Variants in MID1 observed in about 807,000 individuals in gnomAD.
The protein encoded by MID1 is E3 ubiquitin-protein ligase Midline-1.
Under a neutral mutation model 40.4 loss-of-function variants are expected in MID1, and 7 were observed. That is an observed-to-expected ratio of 0.17 (90% confidence interval 0.10 to 0.33). MID1 has a LOEUF of 0.33. Ranked by LOEUF, MID1 falls within the 10% of genes least tolerant of loss-of-function variation. MID1 has a pLI of 1.00. For synonymous variants in MID1, 229 were observed against 221.2 expected (o/e 1.04, Z -0.31); for missense variants, 367 against 558.5 (o/e 0.66, Z 3.46).
At chrX:10,760,376 T>C (rs2043668991) in intron 1 of MID1, among the ~76,000 whole-genome samples, 1 of 112,210 alleles carries the variant, frequency 8.9e-6, no homozygotes, top group African/African-American at 3.2e-5. Context: ...ATGCCAAAAC[T>C]GTAAAATGCC....
At chrX:10,455,733 T>TTAGGATGAGAATA (rs1928621641) in intron 8 of MID1, among the ~76,000 whole-genome samples, 2 of 111,964 alleles carry the variant, frequency 1.8e-5, no homozygotes, top group Non-Finnish European at 3.8e-5. Context: ...TCTTAGGAAT[T>TTAGGATGAGAATA]TAGGATGAGA....
At chrX:10,803,120 C>T (rs2044020569) in intron 1 of MID1, among the ~76,000 whole-genome samples, 1 of 110,762 alleles carries the variant, frequency 9.0e-6, no homozygotes, top group Admixed American at 9.6e-5. Flanking sequence ...CCCCAAATCT[C>T]AGTGTCACAC....
At position 10,533,368 on chromosome X, in the gene MID1, G is replaced by GA. The variant is rs1460776678; in HGVS notation, c.661-10182dup. On this transcript the variant is annotated intron_variant, in intron 2 of 9. Transcript: ENST00000317552. The stretch of plus-strand genomic sequence containing the variant: ...AGAAAGAAAGAAAGAAAGAAAGAAA[G>GA]AAAGAAAGAAAAAGAAAGAAAGAAA... Among the ~76,000 whole-genome samples the GA allele has an allele frequency of 4.5e-4, 24 of 53,891 alleles. No individual in the cohort carries two copies. In the South Asian group the frequency reaches 4.6e-3, roughly 10 times the overall value. 46.8% of individuals were successfully genotyped at this position (53,891 alleles called of 115,157 possible).
intron 1 of MID1, among the ~76,000 whole-genome samples, chrX:10,644,387 C>T (rs1936239331): frequency 9.1e-6 from 1 of 110,434 alleles, no homozygotes; most frequent in African/African-American, 3.3e-5. Context: ...TTCCTCTCAG[C>T]CATCTCCCTA....
chrX:10,746,852 AAAGTAGCTTAAAAGCTACTTTAAT>A (rs200918735), intron 1 of MID1, among the ~76,000 whole-genome samples: 6,960 of 109,208 alleles, frequency 0.064, 540 homozygotes, highest in African/African-American at 0.21. Flanking sequence ...TTACTATTAT[AAAGTAGCTTAAAAGCTACTTTAAT>A]AAGTAGCTTA....
intron 2 of MID1, among the ~76,000 whole-genome samples, chrX:10,553,908 CTCTT>C (rs1298568673): frequency 8.9e-6 from 1 of 111,829 alleles, no homozygotes; most frequent in African/African-American, 3.2e-5. Context: ...CAAACTCTCT[CTCTT>C]TCTTTCTCGC....
At chrX:10,678,039 C>T (rs1015369228) in intron 1 of MID1, among the ~76,000 whole-genome samples, 1 of 110,842 alleles carries the variant, frequency 9.0e-6, no homozygotes, top group African/African-American at 3.3e-5. Context: ...AACAAAAGCA[C>T]AGAACTCAAT....
intron 2 of MID1, among the ~76,000 whole-genome samples, chrX:10,535,075 G>C (rs915846168): frequency 8.0e-5 from 9 of 112,286 alleles, no homozygotes; most frequent in Non-Finnish European, 1.7e-4. Flanking sequence ...TGAAAGAAAT[G>C]TGGAAATCAT....
chrX:10,544,307 G>C (rs1261032741), intron 2 of MID1, among the ~76,000 whole-genome samples: 1 of 110,575 alleles, frequency 9.0e-6, no homozygotes, highest in South Asian at 3.9e-4. Flanking sequence ...CAAAGGGAAA[G>C]TTGGGATTTC....
At chrX:10,593,391 T>C (rs1935347934) in intron 1 of MID1, among the ~76,000 whole-genome samples, 1 of 111,709 alleles carries the variant, frequency 9.0e-6, no homozygotes, top group Non-Finnish European at 1.9e-5. Flanking sequence ...GTCCCAAATG[T>C]CCTCCTTCCA....
intron 1 of MID1, among the ~76,000 whole-genome samples, chrX:10,761,465 C>T (rs967284557): frequency 1.8e-5 from 2 of 112,280 alleles, no homozygotes; most frequent in African/African-American, 6.5e-5. Flanking sequence ...AGCCCTTTGC[C>T]ACAGTACACT....
At chrX:10,562,933 T>G (rs1934399794) in intron 2 of MID1, among the ~76,000 whole-genome samples, 1 of 107,157 alleles carries the variant, frequency 9.3e-6, no homozygotes, top group South Asian at 3.7e-4. Context: ...TGTGTGTGCA[T>G]CACACACCAT....
At chrX:10,801,932 C>T (rs1324961929) in intron 1 of MID1, among the ~76,000 whole-genome samples, 1 of 111,552 alleles carries the variant, frequency 9.0e-6, no homozygotes, top group African/African-American at 3.3e-5. Context: ...CTTGTAATCC[C>T]AGCACTTTGG....
chrX:10,730,536 C>T (rs780701082), intron 1 of MID1, among the ~76,000 whole-genome samples: 207 of 108,353 alleles, frequency 1.9e-3, no homozygotes, highest in South Asian at 6.5e-3. Context: ...CAAATCGTAC[C>T]GCAACTAACC....
intron 1 of MID1, among the ~76,000 whole-genome samples, chrX:10,806,335 C>T (rs1410486259): frequency 1.8e-5 from 2 of 111,881 alleles, no homozygotes; most frequent in Admixed American, 9.5e-5. Context: ...AGAAATTCAT[C>T]GAAGTTACTA....
chrX:10,572,167 CTATA>C (rs1286898637), intron 1 of MID1, among the ~76,000 whole-genome samples: 6 of 87,996 alleles, frequency 6.8e-5, no homozygotes, highest in African/African-American at 3.5e-4. Context: ...CTCTCTCTCT[CTATA>C]TATATATGTA....
intron 1 of MID1, among the ~76,000 whole-genome samples, chrX:10,632,424 C>T (rs1266260479): frequency 9.0e-6 from 1 of 111,239 alleles, no homozygotes; most frequent in Non-Finnish European, 1.9e-5. Flanking sequence ...TGAGTCCCAC[C>T]CCCAGAAAGT....
chrX:10,793,340 G>A (rs976745917), intron 1 of MID1, among the ~76,000 whole-genome samples: 1 of 112,377 alleles, frequency 8.9e-6, no homozygotes, highest in Admixed American at 9.4e-5. Context: ...CAAACTGATT[G>A]GCAAAGGCCA....
chrX:10,476,058 A>C (rs1456502088), intron 5 of MID1, among the ~76,000 whole-genome samples: 1 of 111,735 alleles, frequency 8.9e-6, no homozygotes, highest in Non-Finnish European at 1.9e-5. Context: ...AAACACTGAC[A>C]CACGCTACGA....
Sources: gnomAD v4.1 joint callset for allele counts (sites outside exome capture counted in the v4.1 genomes callset) on GRCh38, gnomAD v4.1.1 for gene constraint, MANE v1.5 for transcripts, NCBI Gene and HGNC (gene_info 2026-07-23, HGNC 2026-07-21) for gene names.